Variants in CSMD1 observed in about 807,000 individuals in gnomAD.
The protein encoded by CSMD1 is CUB and Sushi multiple domains 1.
Under a neutral mutation model 417.5 loss-of-function variants are expected in CSMD1, and 213 were observed. The observed-to-expected ratio is 0.51, with a 90% CI of 0.46 to 0.57. CSMD1 has a LOEUF of 0.57. Among genes scored for constraint, CSMD1 ranks in the 20% least tolerant of loss-of-function variants. The probability of loss-of-function intolerance (pLI) is 0.00; values close to 1 mark genes in which losing one functional copy is unlikely to be tolerated. For synonymous variants in CSMD1, 2,862 were observed against 1,736.8 expected, an observed-to-expected ratio of 1.65 and a Z score of -16.11; for missense variants, 6,923 against 4,529.7, an observed-to-expected ratio of 1.53 and a Z score of -15.17.
chr8:3,550,125 G>A (rs1798846556), intron 10 of CSMD1, among the ~76,000 whole-genome samples: 1 of 152,216 alleles, frequency 6.6e-6, no homozygotes, highest in South Asian at 2.1e-4. Context: ...GTCCCATTGG[G>A]ATCACCCATG....
intron 3 of CSMD1, among the ~76,000 whole-genome samples, chr8:4,161,216 C>A (rs996927654): frequency 2.0e-5 from 3 of 151,832 alleles, no homozygotes; most frequent in African/African-American, 4.8e-5. Context: ...ATTCCATGAA[C>A]AACCCTCTAA....
At chr8:4,326,983 C>T (rs1450508571) in intron 3 of CSMD1, among the ~76,000 whole-genome samples, 2 of 152,016 alleles carry the variant, frequency 1.3e-5, no homozygotes, top group East Asian at 1.9e-4. Flanking sequence ...AATGAAGGAA[C>T]CTGAGAAGGA....
At chr8:4,313,022 G>C (rs1374161690) in intron 3 of CSMD1, among the ~76,000 whole-genome samples, 1 of 152,124 alleles carries the variant, frequency 6.6e-6, no homozygotes, top group Non-Finnish European at 1.5e-5. Context: ...TTTAGAGAAT[G>C]ATTCACATAA....
chr8:4,058,156 C>CT (rs1357943257), intron 3 of CSMD1, among the ~76,000 whole-genome samples: 8 of 152,232 alleles, frequency 5.3e-5, no homozygotes, highest in Middle Eastern at 3.4e-3. Flanking sequence ...TTGACTCTTC[C>CT]TACCCATGAG....
At position 3,937,578 on chromosome 8, in the gene CSMD1, A is replaced by C. The variant is rs1254990739; in HGVS notation, c.818+60325T>G. The stretch of plus-strand genomic sequence containing the variant: ...ACTCAACAGAATGCAGTGTCATGTA[A>C]ATATAACTTTAATATGCACTGGGGA... On this transcript the variant is annotated intron_variant, in intron 5 of 69. Transcript: ENST00000635120. Among the ~76,000 whole-genome samples, 3 of 152,126 alleles carry C rather than the reference A, an allele frequency of 2.0e-5. No individual in the cohort carries two copies. The East Asian group carries it at 5.8e-4, about 29-fold the overall frequency.
intron 9 of CSMD1, among the ~76,000 whole-genome samples, chr8:3,579,980 T>C (rs1800313808): frequency 6.6e-6 from 1 of 152,110 alleles, no homozygotes; most frequent in African/African-American, 2.4e-5. Flanking sequence ...GGCAGGTGAC[T>C]GTAATCCCAG....
chr8:4,011,886 T>C (rs1041255936), intron 4 of CSMD1, among the ~76,000 whole-genome samples: 7 of 152,172 alleles, frequency 4.6e-5, no homozygotes, highest in African/African-American at 7.2e-5. Flanking sequence ...AAGTCCCTTA[T>C]ATAAAATGGA....
At chr8:3,926,079 CCATACACA>C (rs1439560893) in intron 5 of CSMD1, among the ~76,000 whole-genome samples, 39 of 81,430 alleles carry the variant, frequency 4.8e-4, no homozygotes, top group African/African-American at 2.0e-3. Context: ...CACACAAACA[CCATACACA>C]CACACACACA....
chr8:4,990,867 G>A (rs1019520447), intron 1 of CSMD1, among the ~76,000 whole-genome samples: 2 of 152,104 alleles, frequency 1.3e-5, no homozygotes, highest in Non-Finnish European at 2.9e-5. Flanking sequence ...ATGGGAGGGC[G>A]CACCTCTCTC....
At chr8:3,714,992 A>C (rs1801744833) in intron 6 of CSMD1, among the ~76,000 whole-genome samples, 1 of 152,154 alleles carries the variant, frequency 6.6e-6, no homozygotes, top group Middle Eastern at 3.2e-3. Context: ...ATTTTCTAAT[A>C]TTAGAATTTA....
Position 3,070,098 on chromosome 8 carries a change from C to T in CSMD1, c.7474+16999G>A, listed in dbSNP as rs981526054. ...GCAGCATCCTGAGGATTCACAGGGC[C>T]GTAGGGCCCTGGGCCTGGCCCACAA... On this transcript the variant is annotated intron_variant, in intron 49 of 69. Transcript: ENST00000635120. Among the ~76,000 whole-genome samples the T allele has an allele frequency of 3.9e-5, 6 of 152,286 alleles. 1 individual carries two copies. Among genetic ancestry groups the T allele is most frequent in the Admixed American group, 2.0e-4 (3 of 15,308 alleles).
chr8:4,190,103 C>T (rs1340250911), intron 3 of CSMD1, among the ~76,000 whole-genome samples: 1 of 151,504 alleles, frequency 6.6e-6, no homozygotes, highest in Non-Finnish European at 1.5e-5. Flanking sequence ...CTAAAAAATA[C>T]AAAAAATGAG....
chr8:4,503,504 C>G (rs1221371358), intron 2 of CSMD1, among the ~76,000 whole-genome samples: 1 of 152,034 alleles, frequency 6.6e-6, no homozygotes, highest in Non-Finnish European at 1.5e-5. Context: ...CTTAGAAAAT[C>G]CAAGCACTCA....
intron 35 of CSMD1, among the ~76,000 whole-genome samples, chr8:3,188,660 G>T (rs1487249118): frequency 6.6e-6 from 1 of 151,122 alleles, no homozygotes; most frequent in African/African-American, 2.4e-5. Flanking sequence ...TTAAAAAATT[G>T]ATTATATTTA....
intron 1 of CSMD1, among the ~76,000 whole-genome samples, chr8:4,963,877 C>T (rs913399107): frequency 2.0e-5 from 3 of 152,046 alleles, no homozygotes; most frequent in Non-Finnish European, 4.4e-5. Context: ...CATAGAAATA[C>T]CTCCACTTTC....
intron 31 of CSMD1, among the ~76,000 whole-genome samples, chr8:3,202,726 A>C (rs1350084742): frequency 6.6e-6 from 1 of 152,232 alleles, no homozygotes; most frequent in Non-Finnish European, 1.5e-5. Flanking sequence ...ATTTGTTAGT[A>C]TGACGGAAGT....
At chr8:4,154,688 TA>T (rs1377565794) in intron 3 of CSMD1, among the ~76,000 whole-genome samples, 1 of 152,192 alleles carries the variant, frequency 6.6e-6, no homozygotes, top group Non-Finnish European at 1.5e-5. Context: ...GAATTCTCAT[TA>T]AAAACGTACA....
At chr8:3,857,554 C>T (rs767433605) in intron 5 of CSMD1, among the ~76,000 whole-genome samples, 1 of 152,178 alleles carries the variant, frequency 6.6e-6, no homozygotes, top group Non-Finnish European at 1.5e-5. Context: ...ATGGCAGAGT[C>T]GTCTTCCACA....
intron 7 of CSMD1, among the ~76,000 whole-genome samples, chr8:3,663,533 G>T (rs969951818): frequency 1.3e-5 from 2 of 152,078 alleles, no homozygotes; most frequent in African/African-American, 4.8e-5. Flanking sequence ...AAGTCAAGCT[G>T]GAAACTGCTT....
Sources: gnomAD v4.1 joint callset for allele counts (sites outside exome capture counted in the v4.1 genomes callset) on GRCh38, gnomAD v4.1.1 for gene constraint, MANE v1.5 for transcripts, NCBI Gene and HGNC (gene_info 2026-07-23, HGNC 2026-07-21) for gene names.